The following CIT variants were observed in gnomAD, a reference collection of about 807,000 sequenced individuals.
CIT encodes the protein citron rho-interacting serine/threonine kinase, also known as citron Rho-interacting kinase.
CIT carries 79 observed loss-of-function variants against 272.7 expected under a neutral mutation model. The observed-to-expected ratio is 0.29, with a 90% CI of 0.24 to 0.35. CIT has a LOEUF of 0.35. Ranked by LOEUF, CIT falls within the 10% of genes least tolerant of loss-of-function variation. The pLI, the probability that CIT is intolerant of heterozygous loss-of-function variation, is 1.00. For missense variants in CIT, 1,909 were observed against 2,618.3 expected (o/e 0.73, Z 5.91); for synonymous variants, 948 against 995.6 (o/e 0.95, Z 0.90).
chr12:119,837,833 G>C (rs1969114661), intron 5 of CIT, among the ~76,000 whole-genome samples: 2 of 152,194 alleles, frequency 1.3e-5, no homozygotes, highest in Non-Finnish European at 2.9e-5. Context: ...TTGGGAGGCT[G>C]AGGCAGTACA....
intron 23 of CIT, among the ~76,000 whole-genome samples, chr12:119,751,064 C>T (rs1960200392): frequency 6.6e-6 from 1 of 152,140 alleles, no homozygotes; most frequent in South Asian, 2.1e-4. Flanking sequence ...TGCCTGTCTG[C>T]TTGGCGGGTA....
At chr12:119,689,742 A>C (rs1252966010) in intron 47 of CIT, among the ~76,000 whole-genome samples, 3 of 126,236 alleles carry the variant, frequency 2.4e-5, no homozygotes, top group Non-Finnish European at 4.7e-5. Context: ...CAGTGGCGCG[A>C]TCTCGGCTCA....
rs10574499 is a variant in CIT at position 119,687,794 on chromosome 12, TAAAAA to T, written c.*433_*437del. On this transcript the variant is annotated 3_prime_UTR_variant, in exon 48 of 48. Transcript: ENST00000392521. Reference sequence around the variant, plus strand: ...AAATCTATTAAGAATTCTGTTGTCTTAAAAAAAAAAAAAAAAAAAGGAAAGAAACA... The same window carrying T: ...AAATCTATTAAGAATTCTGTTGTCTTAAAAAAAAAAAAAAGGAAAGAAACA... The T allele has an allele frequency of 3.0e-4, 35 of 115,800 alleles. No homozygotes were observed. Among genetic ancestry groups the T allele is most frequent in the East Asian group, 1.1e-3 (4 of 3,582 alleles). 7.2% of individuals were successfully genotyped at this position (115,800 alleles called of 1,614,324 possible).
At chr12:119,834,869 G>A (rs772404263) in intron 5 of CIT, among the ~76,000 whole-genome samples, 16 of 152,198 alleles carry the variant, frequency 1.1e-4, no homozygotes, top group Non-Finnish European at 1.9e-4. Flanking sequence ...CCATCAGTTA[G>A]AGACTGGCTA....
intron 7 of CIT, among the ~76,000 whole-genome samples, chr12:119,829,608 C>A (rs1426320580): frequency 6.6e-6 from 1 of 152,166 alleles, no homozygotes; most frequent in Admixed American, 6.6e-5. Context: ...TTATCACTTA[C>A]TATGCTATAT....
At chr12:119,727,385 C>T (rs556750808) in intron 28 of CIT, among the ~76,000 whole-genome samples, 2 of 152,224 alleles carry the variant, frequency 1.3e-5, no homozygotes, top group East Asian at 3.9e-4. Flanking sequence ...TTCTCACTTA[C>T]AAGTGGGAGC....
intron 47 of CIT, among the ~76,000 whole-genome samples, chr12:119,688,998 A>G (rs1168986553): frequency 1.7e-5 from 2 of 119,636 alleles, no homozygotes; most frequent in Admixed American, 1.1e-4. Context: ...ATGTCTCTAA[A>G]AAAAATAAAA....
At chr12:119,756,105 C>A (rs1216405723) in intron 22 of CIT, among the ~76,000 whole-genome samples, 1 of 152,140 alleles carries the variant, frequency 6.6e-6, no homozygotes, top group Non-Finnish European at 1.5e-5. Context: ...TGAAGCCCAG[C>A]AGAGAGATGA....
intron 16 of CIT, among the ~76,000 whole-genome samples, chr12:119,774,594 C>T (rs1303125434): frequency 4.6e-5 from 7 of 151,974 alleles, no homozygotes; most frequent in Admixed American, 4.6e-4. Context: ...GTATACATCA[C>T]ATTGCATACT....
intron 37 of CIT, chr12:119,711,115 G>A (rs1268005262): frequency 3.7e-6 from 5 of 1,366,158 alleles, no homozygotes; most frequent in Admixed American, 1.9e-5. Context: ...ATATTAACAA[G>A]GATTTCAGTA....
At chr12:119,704,567 T>C in intron 40 of CIT, 112 bp from the exon 41 acceptor site, 1 of 913,812 alleles carries the variant, frequency 1.1e-6, no homozygotes, top group Non-Finnish European at 1.7e-6. Context: ...GACCAGATCA[T>C]TCTGTGTGGT....
intron 23 of CIT, among the ~76,000 whole-genome samples, 195 bp downstream of exon 23, chr12:119,751,855 A>G (rs992029881): frequency 6.6e-6 from 1 of 152,228 alleles, no homozygotes; most frequent in Non-Finnish European, 1.5e-5. Flanking sequence ...GTTTGAATAT[A>G]ACCAACCAAG....
intron 23 of CIT, among the ~76,000 whole-genome samples, chr12:119,750,920 T>C (rs1241081490): frequency 1.3e-5 from 2 of 151,772 alleles, no homozygotes; most frequent in African/African-American, 4.8e-5. Context: ...CTGACGGAAA[T>C]GGGGACAGCA....
chr12:119,701,670 C>G lies in CIT; in HGVS notation c.5496G>C (p.Gln1832His). 2 of 1,614,226 alleles carry G rather than the reference C, an allele frequency of 1.2e-6. No individual in the cohort carries two copies. The highest frequency in any genetic ancestry group is 1.7e-6 in the Non-Finnish European group (2 of 1,180,040). The change falls in exon 43 of 48, where the codon CAG (glutamine) becomes CAC (histidine). Residue 1832 changes from glutamine (Q) to histidine (H), a missense_variant. Transcript: ENST00000392521. ...CCTCTCGCTGCCCTGCGCTGTTCAC[C>G]TGCACGATTGAGACAGGGAAGCTGT... ...SSNSFPVSIV[Q>H]VNSAGQREEY...
intron 43 of CIT, chr12:119,701,046 G>C (rs1346137530): frequency 1.1e-5 from 3 of 278,338 alleles, no homozygotes; most frequent in Non-Finnish European, 2.0e-5. Context: ...TTTTATTAAA[G>C]AAAGAGAACT....
At chr12:119,838,394 G>T (rs10774516) in intron 5 of CIT, among the ~76,000 whole-genome samples, 96,906 of 151,476 alleles carry the variant, frequency 0.64, 31,837 homozygotes, top group East Asian at 0.97. Context: ...ATAATAATAA[G>T]AAGAAGTATA....
Position 119,869,099 on chromosome 12 carries a change from G to C in CIT, c.199C>G (p.Leu67Val). 1.9e-6 allele frequency: 3 copies of C among 1,612,398 alleles called. No homozygotes were observed. Among genetic ancestry groups the C allele is most frequent in the Non-Finnish European group, 2.5e-6 (3 of 1,179,576 alleles). The change falls in exon 3 of 48, where the codon CTG becomes GTG. Residue 67 changes from leucine (L) to valine (V), a missense_variant. Physicochemically the swap from Leu to Val is conservative, Grantham distance 32. This residue lies in a region of CIT where 529 missense variants were observed against 549.6 expected (regional missense o/e 0.96). Coordinates refer to ENST00000392521, the MANE Select transcript of CIT (RefSeq NM_001206999.2). Reference sequence around the variant, plus strand: ...TTGCTCACGTGCTTAATCTTCATCAGAGCAGGCTGACTGCATTCTTCAAAG... The same window carrying C: ...TTGCTCACGTGCTTAATCTTCATCACAGCAGGCTGACTGCATTCTTCAAAG... ...VLFEECSQPA[L>V]MKIKHVSNFV... is the part of the protein sequence containing the mutation.
intron 7 of CIT, 54 bp downstream of exon 7, chr12:119,832,717 C>T: frequency 6.9e-7 from 1 of 1,445,898 alleles, no homozygotes. Flanking sequence ...CTTAGGAGGA[C>T]CAAGAATACT....
At chr12:119,846,027 G>C (rs1837907900) in intron 5 of CIT, among the ~76,000 whole-genome samples, 1 of 151,790 alleles carries the variant, frequency 6.6e-6, no homozygotes, top group African/African-American at 2.4e-5. Context: ...CTAGGTGATG[G>C]TAATAAGAAC....
Sources: allele counts gnomAD v4.1 joint callset (sites outside exome capture counted in the v4.1 genomes callset), GRCh38; gene constraint gnomAD v4.1.1; regional missense constraint gnomAD v4.1.1; transcripts MANE v1.5; gene names NCBI Gene and HGNC (gene_info 2026-07-23, HGNC 2026-07-21).